The following TNIK variants were observed in gnomAD, a reference collection of about 807,000 sequenced individuals.
TNIK encodes TRAF2 and NCK-interacting protein kinase.
TNIK carries 49 observed loss-of-function variants against 191.3 expected under a neutral mutation model. The ratio of observed to expected loss-of-function variants is 0.26; its 90% CI spans 0.20 to 0.32. The LOEUF is 0.32. Ranked by LOEUF, TNIK falls within the 10% of genes least tolerant of loss-of-function variation. TNIK has a pLI of 1.00. For synonymous variants in TNIK, 594 were observed against 600.9 expected (o/e 0.99, Z 0.17); for missense variants, 1,155 against 1,702.3 (o/e 0.68, Z 5.66).
intron 2 of TNIK, chr3:171,347,102 C>T (rs1577571115): frequency 5.3e-6 from 8 of 1,502,276 alleles, no homozygotes; most frequent in Non-Finnish European, 7.1e-6. Flanking sequence ...AAATCAGGAA[C>T]CATTTAGGAA....
At chr3:171,450,045 A>T (rs1006886871) in intron 1 of TNIK, among the ~76,000 whole-genome samples, 10 of 152,172 alleles carry the variant, frequency 6.6e-5, no homozygotes, top group Non-Finnish European at 1.0e-4. Context: ...CAAACATAAA[A>T]AAAAAATTAA....
chr3:171,280,067 G>A (rs1750246590), intron 2 of TNIK, among the ~76,000 whole-genome samples: 1 of 152,166 alleles, frequency 6.6e-6, no homozygotes, highest in Non-Finnish European at 1.5e-5. Flanking sequence ...TTCCCATCTG[G>A]AATCTGTTCC....
chr3:171,456,988 T>G (rs1215671923), intron 1 of TNIK, among the ~76,000 whole-genome samples: 1 of 152,186 alleles, frequency 6.6e-6, no homozygotes, highest in African/African-American at 2.4e-5. Context: ...GGGCTTCAGT[T>G]TCCCAAGTGT....
intron 25 of TNIK, 134 bp downstream of exon 25, chr3:171,084,984 A>T (rs1721154700): frequency 1.6e-6 from 1 of 618,742 alleles, no homozygotes; most frequent in Non-Finnish European, 2.6e-6. Flanking sequence ...TAATAATTTT[A>T]AAAAGTCTTC....
chr3:171,317,411 C>T (rs1336768499), intron 2 of TNIK, among the ~76,000 whole-genome samples: 1 of 152,128 alleles, frequency 6.6e-6, no homozygotes, highest in African/African-American at 2.4e-5. Context: ...GAGGACTGCT[C>T]AATGGCTGAA....
chr3:171,166,145 A>G (rs1734594221), intron 10 of TNIK, among the ~76,000 whole-genome samples: 1 of 152,180 alleles, frequency 6.6e-6, no homozygotes, highest in Non-Finnish European at 1.5e-5. Flanking sequence ...TTAGTGGTGA[A>G]CCTTAGCTAT....
chr3:171,379,339 C>T (rs1577698361), intron 1 of TNIK, among the ~76,000 whole-genome samples: 1 of 152,100 alleles, frequency 6.6e-6, no homozygotes, highest in African/African-American at 2.4e-5. Flanking sequence ...GAATATAAAA[C>T]TAAAAAGAGA....
chr3:171,330,489 G>C (rs1560437143), intron 2 of TNIK, among the ~76,000 whole-genome samples: 1 of 152,180 alleles, frequency 6.6e-6, no homozygotes, highest in African/African-American at 2.4e-5. Context: ...TCTAGAGATA[G>C]AGTGTATAGA....
intron 12 of TNIK, among the ~76,000 whole-genome samples, chr3:171,154,423 AG>A (rs1732904936): frequency 6.6e-6 from 1 of 152,220 alleles, no homozygotes; most frequent in Non-Finnish European, 1.5e-5. Context: ...ACATACTACC[AG>A]GGAGCAGGTG....
intron 12 of TNIK, among the ~76,000 whole-genome samples, chr3:171,146,372 C>T (rs1223318357): frequency 6.6e-6 from 1 of 152,196 alleles, no homozygotes; most frequent in African/African-American, 2.4e-5. Flanking sequence ...AATCTTGGCC[C>T]TGGTCCATCT....
Position 171,264,067 on chromosome 3 carries a change from T to TACACACACACACAC in TNIK, c.124-35860_124-35847dup, listed in dbSNP as rs760319253. Among the ~76,000 whole-genome samples, 8 of 110,822 alleles carry TACACACACACACAC rather than the reference T, an allele frequency of 7.2e-5. No individual in the cohort carries two copies. In the East Asian group the frequency reaches 2.5e-3, roughly 35 times the overall value. 72.7% of individuals were successfully genotyped at this position (110,822 alleles called of 152,430 possible). A position where few individuals can be genotyped will look rare whatever the true frequency, so the allele number is the denominator to read the frequency against. ...ATATGTGTGTGTGTATATATATACA[T>TACACACACACACAC]ACACACACACACACACACACACACA... On this transcript the variant is annotated intron_variant, in intron 2 of 32. Coordinates refer to ENST00000436636, the MANE Select transcript of TNIK (RefSeq NM_015028.4).
At chr3:171,187,544 C>T (rs929247568) in intron 7 of TNIK, among the ~76,000 whole-genome samples, 5 of 151,988 alleles carry the variant, frequency 3.3e-5, no homozygotes, top group African/African-American at 9.7e-5. Flanking sequence ...CCCCACATGT[C>T]GAGAACTAAA....
intron 2 of TNIK, among the ~76,000 whole-genome samples, chr3:171,288,695 C>T (rs1004683777): frequency 1.3e-5 from 2 of 151,552 alleles, no homozygotes; most frequent in Non-Finnish European, 2.9e-5. Flanking sequence ...GTAGTCCCAG[C>T]TACTTGAGAG....
chr3:171,269,969 C>T (rs1177682775), intron 2 of TNIK, among the ~76,000 whole-genome samples: 1 of 152,182 alleles, frequency 6.6e-6, no homozygotes, highest in Non-Finnish European at 1.5e-5. Flanking sequence ...TTTACTTCTT[C>T]ATCTATGAGA....
At chr3:171,428,983 T>C (rs1453676909) in intron 1 of TNIK, among the ~76,000 whole-genome samples, 1 of 152,208 alleles carries the variant, frequency 6.6e-6, no homozygotes, top group Non-Finnish European at 1.5e-5. Flanking sequence ...CCCAGTTCAG[T>C]GACTGAGACA....
intron 16 of TNIK, among the ~76,000 whole-genome samples, chr3:171,127,292 T>C (rs1728610107): frequency 6.6e-6 from 1 of 152,206 alleles, no homozygotes; most frequent in African/African-American, 2.4e-5. Context: ...TTTAGCTGAA[T>C]GTTAAGCTTC....
At chr3:171,425,998 G>A (rs141870210) in intron 1 of TNIK, among the ~76,000 whole-genome samples, 5,529 of 152,174 alleles carry the variant, frequency 0.036, 125 homozygotes, top group South Asian at 0.062. Flanking sequence ...TCAGTGTGGC[G>A]ATTTCTCAGG....
At chr3:171,383,421 G>A (rs1044111324) in intron 1 of TNIK, among the ~76,000 whole-genome samples, 2 of 152,140 alleles carry the variant, frequency 1.3e-5, no homozygotes, top group African/African-American at 2.4e-5. Context: ...ATTGGGCAAC[G>A]TTCTCTGACT....
At chr3:171,096,765 A>G (rs1722779537) in intron 22 of TNIK, among the ~76,000 whole-genome samples, 1 of 152,134 alleles carries the variant, frequency 6.6e-6, no homozygotes, top group Non-Finnish European at 1.5e-5. Flanking sequence ...TAATGTTGGT[A>G]TTTTCAGTGC....
Sources: gnomAD v4.1 joint callset for allele counts (sites outside exome capture counted in the v4.1 genomes callset) on GRCh38, gnomAD v4.1.1 for gene constraint, MANE v1.5 for transcripts, NCBI Gene and HGNC (gene_info 2026-07-23, HGNC 2026-07-21) for gene names.